C4orf50: variants seen among roughly 807,000 people sequenced by gnomAD.
The protein encoded by C4orf50 is chromosome 4 open reading frame 50.
A neutral mutation model predicts 77.2 loss-of-function variants in C4orf50; 80 were observed. That is an observed-to-expected ratio of 1.04 (90% CI 0.87 to 1.25). C4orf50 has a LOEUF of 1.25. Ranked by LOEUF, C4orf50 falls within the 50% of genes most tolerant of loss-of-function variation. C4orf50 has a pLI of 0.00. For missense variants in C4orf50, 1,257 were observed against 1,152.9 expected (o/e 1.09, Z -1.31); for synonymous variants, 532 against 465.3 (o/e 1.14, Z -1.84).
At chr4:5,966,110 T>C (rs943767910) in intron 32 of C4orf50, among the ~76,000 whole-genome samples, 1 of 152,154 alleles carries the variant, frequency 6.6e-6, no homozygotes, top group African/African-American at 2.4e-5. Context: ...CCAAAACTAT[T>C]GAAATAAAAA....
intron 7 of C4orf50, among the ~76,000 whole-genome samples, chr4:5,925,756 G>A (rs1350806562): frequency 1.3e-5 from 2 of 152,246 alleles, no homozygotes; most frequent in East Asian, 3.9e-4. Flanking sequence ...CCTACACCAG[G>A]GTTTGGGAGC....
At chr4:5,947,981 C>T (rs923895439) in intron 7 of C4orf50, among the ~76,000 whole-genome samples, 2 of 152,164 alleles carry the variant, frequency 1.3e-5, no homozygotes, top group Admixed American at 6.5e-5. Flanking sequence ...GAGGGTCTGT[C>T]CCCTATGTGC....
At chr4:5,914,923 A>G (rs552556479) in intron 7 of C4orf50, among the ~76,000 whole-genome samples, 1 of 152,376 alleles carries the variant, frequency 6.6e-6, no homozygotes, top group Non-Finnish European at 1.5e-5. Flanking sequence ...CTACTAGGAT[A>G]AATTCTCCTG....
intron 7 of C4orf50, among the ~76,000 whole-genome samples, chr4:5,946,751 A>T (rs1718497925): frequency 6.6e-6 from 1 of 152,280 alleles, no homozygotes; most frequent in African/African-American, 2.4e-5. Flanking sequence ...GAGACAGGAC[A>T]CAGTAGCAGG....
chr4:5,989,936 C>G, exon 28 of C4orf50: 1 of 1,426,114 alleles, frequency 7.0e-7, no homozygotes, highest in South Asian at 1.6e-5. Context: ...TGGTTTTCCT[C>G]CTTGCCCCTA....
At chr4:5,911,785 C>A (rs1205301020) in intron 7 of C4orf50, among the ~76,000 whole-genome samples, 1 of 152,224 alleles carries the variant, frequency 6.6e-6, no homozygotes, top group African/African-American at 2.4e-5. Context: ...TGGTGGCTCA[C>A]GCCTGTAATC....
chr4:5,998,297 T>C (rs1488361148), intron 25 of C4orf50, among the ~76,000 whole-genome samples: 1 of 152,174 alleles, frequency 6.6e-6, no homozygotes, highest in African/African-American at 2.4e-5. Flanking sequence ...CCACTGGCCA[T>C]TTTGTACTTC....
intron 31 of C4orf50, among the ~76,000 whole-genome samples, chr4:5,972,376 G>T (rs960592319): frequency 3.3e-5 from 5 of 152,132 alleles, no homozygotes; most frequent in African/African-American, 1.2e-4. Flanking sequence ...GCAGGCACTT[G>T]GACAAAATTC....
At chr4:5,974,950 G>C (rs1419369918) in intron 30 of C4orf50, among the ~76,000 whole-genome samples, 1 of 151,830 alleles carries the variant, frequency 6.6e-6, no homozygotes, top group African/African-American at 2.4e-5. Flanking sequence ...GACCACCCTG[G>C]CCAACATGGT....
intron 7 of C4orf50, among the ~76,000 whole-genome samples, chr4:5,945,549 G>T (rs913096500): frequency 6.6e-6 from 1 of 152,108 alleles, no homozygotes; most frequent in Non-Finnish European, 1.5e-5. Context: ...AAAATGAGTC[G>T]CAGGGCCCTG....
At chr4:5,907,896 T>C (rs986327730) in intron 7 of C4orf50, among the ~76,000 whole-genome samples, 1 of 152,090 alleles carries the variant, frequency 6.6e-6, no homozygotes, top group Non-Finnish European at 1.5e-5. Flanking sequence ...CTCCACTCTA[T>C]GAGAAGGTGC....
chr4:6,004,042 GTGATGGTGA>G (rs1479290618), intron 25 of C4orf50, among the ~76,000 whole-genome samples: 63 of 21,672 alleles, frequency 2.9e-3, no homozygotes, highest in African/African-American at 7.0e-3. Flanking sequence ...AGTGATGATG[GTGATGGTGA>G]TGATGGTGAT....
chr4:5,910,781 GCT>G (rs1716768518), intron 7 of C4orf50, among the ~76,000 whole-genome samples: 2 of 152,096 alleles, frequency 1.3e-5, no homozygotes, highest in East Asian at 3.9e-4. Context: ...GCCCTCAGGT[GCT>G]CTCTTTTTTG....
downstream of C4orf50, among the ~76,000 whole-genome samples, chr4:5,953,452 C>G (rs922771299): frequency 6.6e-6 from 1 of 152,212 alleles, no homozygotes; most frequent in Non-Finnish European, 1.5e-5. Flanking sequence ...TGGCCTCAAG[C>G]TGGGCATGGG....
chr4:5,904,672 G>C (rs1716473865), intron 7 of C4orf50: 1 of 152,130 alleles, frequency 6.6e-6, no homozygotes, highest in Admixed American at 6.5e-5. Context: ...TGGCTACTAG[G>C]GTGCTTGTCT....
At chr4:5,996,041 G>A (rs1259511259) in intron 25 of C4orf50, among the ~76,000 whole-genome samples, 1 of 152,218 alleles carries the variant, frequency 6.6e-6, no homozygotes, top group Non-Finnish European at 1.5e-5. Flanking sequence ...TCTGGCTACA[G>A]GGTCAGCACG....
Position 6,008,228 on chromosome 4 carries a change from TGCAGGGCGCGCAGTTCC to T in C4orf50, c.714_730del (p.Glu239GlyfsTer86). Reference sequence around the variant, plus strand: ...GCGCTCGCTGCGCTCTGCCCTCGCCTGCAGGGCGCGCAGTTCCGCAGCCGCCTCGGTGGCGCCCTGGG... The same window carrying T: ...GCGCTCGCTGCGCTCTGCCCTCGCCTGCAGCCGCCTCGGTGGCGCCCTGGG... On this transcript the variant is annotated frameshift_variant, in exon 25 of 34. Coordinates refer to ENST00000531445, the Ensembl canonical transcript of C4orf50. LOFTEE classifies it high-confidence loss of function. This position sits in a 1 kb window ranked among gnomAD's most constrained non-coding sequence, Gnocchi z 6.0. 1 of 396,528 alleles carries T rather than the reference TGCAGGGCGCGCAGTTCC, an allele frequency of 2.5e-6. No individual in the cohort carries two copies. The highest frequency in any genetic ancestry group is 1.3e-4 in the South Asian group (1 of 7,840). 24.6% of individuals were successfully genotyped at this position (396,528 alleles called of 1,614,324 possible).
Position 5,992,754 on chromosome 4 carries a change from A to AG in C4orf50, c.1221+48dup. The AG allele has an allele frequency of 2.5e-6, 1 of 399,108 alleles. No homozygotes were observed. The highest frequency in any genetic ancestry group is 4.4e-6 in the Non-Finnish European group (1 of 226,120). 24.7% of individuals were successfully genotyped at this position (399,108 alleles called of 1,614,324 possible). ...ACATAGCCTGCATGAGGCAGGGCTG[A>AG]GGGGAACCAGTGGCACTGCACACAC... On this transcript the variant is annotated intron_variant, in intron 27 of 33. Coordinates refer to ENST00000531445, the Ensembl canonical transcript of C4orf50. The surrounding 1 kb of genome is among the most constrained non-coding windows in gnomAD (Gnocchi z 5.0).
intron 7 of C4orf50, among the ~76,000 whole-genome samples, chr4:5,925,551 A>G (rs1717479240): frequency 6.6e-6 from 1 of 152,238 alleles, no homozygotes; most frequent in African/African-American, 2.4e-5. Flanking sequence ...GGAAACGCAG[A>G]GAGGAGGATG....
Sources: allele counts gnomAD v4.1 joint callset (sites outside exome capture counted in the v4.1 genomes callset), GRCh38; gene constraint gnomAD v4.1.1; non-coding constraint Gnocchi (gnomAD v3.1); transcripts MANE v1.5; gene names NCBI Gene and HGNC (gene_info 2026-07-23, HGNC 2026-07-21).